Variants in ROBO2 observed in about 807,000 individuals in gnomAD.
ROBO2 encodes the protein roundabout guidance receptor 2.
A neutral mutation model predicts 160.8 loss-of-function variants in ROBO2; 53 were observed. The observed-to-expected ratio is 0.33, with a 90% CI of 0.26 to 0.41. The LOEUF (loss-of-function observed/expected upper bound fraction) is 0.41. ROBO2 is among the 10% of genes least tolerant of loss of function. ROBO2 has a pLI of 1.00. For missense variants in ROBO2, 1,577 were observed against 1,722.4 expected (o/e 0.92, Z 1.49); for synonymous variants, 664 against 611.7 (o/e 1.09, Z -1.26).
At chr3:76,808,610 G>A (rs932218122) in intron 2 of ROBO2, among the ~76,000 whole-genome samples, 1 of 152,074 alleles carries the variant, frequency 6.6e-6, no homozygotes, top group African/African-American at 2.4e-5. Context: ...AGAATTATCA[G>A]AATGATTAAA....
chr3:76,202,370 T>C (rs2107261098), intron 2 of ROBO2, among the ~76,000 whole-genome samples: 1 of 152,104 alleles, frequency 6.6e-6, no homozygotes, highest in South Asian at 2.1e-4. Flanking sequence ...TATAAAACTG[T>C]AGGAAACGCG....
At chr3:76,396,879 G>C (rs2077486804) in intron 2 of ROBO2, among the ~76,000 whole-genome samples, 1 of 152,120 alleles carries the variant, frequency 6.6e-6, no homozygotes, top group Non-Finnish European at 1.5e-5. Context: ...AATCAATATT[G>C]TGGAAATGGC....
At chr3:76,071,514 C>A (rs1256533008) in intron 2 of ROBO2, among the ~76,000 whole-genome samples, 20 of 151,944 alleles carry the variant, frequency 1.3e-4, no homozygotes, top group Admixed American at 1.3e-3. Context: ...TTATTTCAAC[C>A]CGGTTTATGT....
chr3:77,465,483 A>C (rs1478734563), intron 2 of ROBO2, among the ~76,000 whole-genome samples: 1 of 152,150 alleles, frequency 6.6e-6, no homozygotes, highest in Admixed American at 6.6e-5. Flanking sequence ...CCCAGGGAAT[A>C]GATATATAGC....
intron 2 of ROBO2, among the ~76,000 whole-genome samples, chr3:77,106,292 A>G (rs532748102): frequency 2.4e-4 from 36 of 152,152 alleles, no homozygotes; most frequent in African/African-American, 7.7e-4. Context: ...ATCCTCTCTC[A>G]TTGGCCTCCC....
intron 2 of ROBO2, among the ~76,000 whole-genome samples, chr3:76,752,445 A>T (rs965754845): frequency 4.0e-5 from 6 of 151,890 alleles, no homozygotes; most frequent in African/African-American, 1.2e-4. Context: ...AACAAAAAAA[A>T]AAAAGAAAAA....
At chr3:77,514,332 C>T (rs777557059) in intron 5 of ROBO2, among the ~76,000 whole-genome samples, 5 of 151,566 alleles carry the variant, frequency 3.3e-5, no homozygotes, top group Admixed American at 1.3e-4. Flanking sequence ...TATGAACCTC[C>T]CAGGGTTACA....
intron 2 of ROBO2, among the ~76,000 whole-genome samples, chr3:76,717,684 T>C (rs1275692501): frequency 5.3e-5 from 8 of 152,110 alleles, no homozygotes; most frequent in African/African-American, 1.9e-4. Context: ...AGTTTTGATA[T>C]TCTTCTGAAA....
chr3:76,438,616 T>C (rs1160293035), intron 2 of ROBO2, among the ~76,000 whole-genome samples: 2 of 152,056 alleles, frequency 1.3e-5, no homozygotes, highest in Non-Finnish European at 2.9e-5. Flanking sequence ...GTTTGAAAGA[T>C]TAAATTCCAG....
At chr3:76,505,103 C>T (rs1042513501) in intron 2 of ROBO2, among the ~76,000 whole-genome samples, 7 of 152,018 alleles carry the variant, frequency 4.6e-5, no homozygotes, top group East Asian at 1.9e-4. Context: ...TTGAAAAAAA[C>T]AGTATCAATA....
At chr3:76,477,414 C>T (rs972361056) in intron 2 of ROBO2, among the ~76,000 whole-genome samples, 9 of 151,986 alleles carry the variant, frequency 5.9e-5, no homozygotes, top group African/African-American at 2.2e-4. Flanking sequence ...AGCTTATACT[C>T]AAAGCATAAG....
chr3:77,129,753 C>G (rs919140617), intron 2 of ROBO2, among the ~76,000 whole-genome samples: 3 of 152,072 alleles, frequency 2.0e-5, no homozygotes, highest in Non-Finnish European at 4.4e-5. Context: ...GAGCATACTT[C>G]CCAGTTGTAA....
chr3:76,053,400 G>A (rs2067719572), intron 2 of ROBO2, among the ~76,000 whole-genome samples: 1 of 151,894 alleles, frequency 6.6e-6, no homozygotes, highest in African/African-American at 2.4e-5. Flanking sequence ...ATGCATTGTA[G>A]ATGTTCTTTT....
intron 2 of ROBO2, among the ~76,000 whole-genome samples, chr3:77,352,668 T>A (rs2068521722): frequency 6.6e-6 from 1 of 152,188 alleles, no homozygotes; most frequent in Admixed American, 6.5e-5. Context: ...GTCATATTAT[T>A]GTCTTCATCT....
At chr3:76,342,464 T>C (rs1400705785) in intron 2 of ROBO2, among the ~76,000 whole-genome samples, 1 of 152,106 alleles carries the variant, frequency 6.6e-6, no homozygotes, top group Non-Finnish European at 1.5e-5. Flanking sequence ...TGGGTGCCAC[T>C]TCAGGAGAAC....
chr3:77,247,207 A>G (rs2151419127), intron 2 of ROBO2, among the ~76,000 whole-genome samples: 1 of 152,302 alleles, frequency 6.6e-6, no homozygotes, highest in East Asian at 1.9e-4. Flanking sequence ...ATGTGTCAAT[A>G]ATGATGCTGC....
intron 2 of ROBO2, among the ~76,000 whole-genome samples, chr3:76,803,435 G>A (rs1280202643): frequency 6.7e-6 from 1 of 148,268 alleles, no homozygotes; most frequent in Non-Finnish European, 1.5e-5. Context: ...CAAAAGAGGA[G>A]GAAGGATGGA....
intron 2 of ROBO2, among the ~76,000 whole-genome samples, chr3:77,314,256 T>C (rs914426770): frequency 2.6e-5 from 4 of 152,198 alleles, no homozygotes; most frequent in African/African-American, 7.2e-5. Context: ...TGATTATCCA[T>C]ATACTACCTG....
chr3:77,540,824 A>G (rs911196478), intron 6 of ROBO2, among the ~76,000 whole-genome samples: 2 of 138,000 alleles, frequency 1.4e-5, no homozygotes, highest in African/African-American at 5.4e-5. Flanking sequence ...TAGTTGAAAC[A>G]TAAGGCTTTT....
Sources: gnomAD v4.1 joint callset for allele counts (sites outside exome capture counted in the v4.1 genomes callset) on GRCh38, gnomAD v4.1.1 for gene constraint, MANE v1.5 for transcripts, NCBI Gene and HGNC (gene_info 2026-07-23, HGNC 2026-07-21) for gene names.